COMMD1: variants seen among roughly 807,000 people sequenced by gnomAD.
COMMD1 encodes the protein copper metabolism domain containing 1.
COMMD1 carries 10 observed loss-of-function variants against 17.2 expected under a neutral mutation model. The ratio of observed to expected loss-of-function variants is 0.58; its 90% CI spans 0.36 to 0.99. The LOEUF (loss-of-function observed/expected upper bound fraction) is 0.99. Among genes scored for constraint, COMMD1 ranks in the 50% least tolerant of loss-of-function variants. The pLI, the probability that COMMD1 is intolerant of heterozygous loss-of-function variation, is 0.01. For synonymous variants in COMMD1, 97 were observed against 91.6 expected (o/e 1.06, Z -0.34); for missense variants, 270 against 231.8 (o/e 1.17, Z -1.07).
At chr2:62,114,895 G>T (rs1249521108) in intron 2 of COMMD1, among the ~76,000 whole-genome samples, 2 of 152,188 alleles carry the variant, frequency 1.3e-5, no homozygotes, top group Non-Finnish European at 1.5e-5. Flanking sequence ...TGGCAGCGAG[G>T]TTCCTTGGTC....
chr2:61,958,196 C>G (rs1360197917), intron 1 of COMMD1, among the ~76,000 whole-genome samples: 1 of 151,988 alleles, frequency 6.6e-6, no homozygotes, highest in Non-Finnish European at 1.5e-5. Context: ...TACCCTCTGA[C>G]AGGCCCCAGC....
chr2:62,028,348 A>T (rs1232819172), intron 2 of COMMD1, among the ~76,000 whole-genome samples: 2 of 152,212 alleles, frequency 1.3e-5, no homozygotes, highest in Non-Finnish European at 2.9e-5. Context: ...GGTAGGGGTA[A>T]GTCTTGATAC....
At chr2:62,101,558 C>T (rs539166235) in intron 2 of COMMD1, among the ~76,000 whole-genome samples, 70 of 152,138 alleles carry the variant, frequency 4.6e-4, no homozygotes, top group Non-Finnish European at 8.7e-4. Context: ...TGCAGTGATC[C>T]CTGATTGCAC....
intron 1 of COMMD1, among the ~76,000 whole-genome samples, chr2:61,935,787 T>C (rs1185783287): frequency 6.6e-6 from 1 of 152,178 alleles, no homozygotes; most frequent in African/African-American, 2.4e-5. Context: ...GCAGCAAGAA[T>C]GATAATTGGA....
At chr2:62,069,895 A>T (rs1299900403) in intron 2 of COMMD1, 1 of 152,260 alleles carries the variant, frequency 6.6e-6, no homozygotes, top group African/African-American at 2.4e-5. Flanking sequence ...TCAACAATTT[A>T]GATCTATCAA....
At chr2:62,024,533 G>A (rs1287389088) in intron 2 of COMMD1, among the ~76,000 whole-genome samples, 1 of 152,152 alleles carries the variant, frequency 6.6e-6, no homozygotes, top group Non-Finnish European at 1.5e-5. Context: ...AATCTTTCAG[G>A]AGGAACTTTG....
intron 2 of COMMD1, chr2:62,070,182 T>A (rs965143128): frequency 6.6e-6 from 1 of 152,198 alleles, no homozygotes; most frequent in African/African-American, 2.4e-5. Flanking sequence ...GAAAGTACTA[T>A]ACATTTGACC....
intron 2 of COMMD1, among the ~76,000 whole-genome samples, chr2:62,129,507 C>G (rs1672968131): frequency 6.6e-6 from 1 of 152,144 alleles, no homozygotes; most frequent in South Asian, 2.1e-4. Flanking sequence ...GATTCCAGGT[C>G]TCTTGAAGTA....
upstream of COMMD1, among the ~76,000 whole-genome samples, chr2:61,904,041 C>T (rs1274864353): frequency 6.6e-6 from 1 of 152,074 alleles, no homozygotes; most frequent in Non-Finnish European, 1.5e-5. Flanking sequence ...CGGAGTCTCC[C>T]TCTTTCACCC....
At chr2:61,941,932 A>G (rs1477226934) in intron 1 of COMMD1, among the ~76,000 whole-genome samples, 2 of 152,042 alleles carry the variant, frequency 1.3e-5, no homozygotes, top group African/African-American at 2.4e-5. Flanking sequence ...AACATTGACT[A>G]TCTTCTTGGT....
intron 2 of COMMD1, among the ~76,000 whole-genome samples, chr2:62,121,274 G>A (rs1672735872): frequency 6.8e-6 from 1 of 147,656 alleles, no homozygotes; most frequent in African/African-American, 2.5e-5. Context: ...GGAGGCTGAG[G>A]CAGGAGAATC....
intron 1 of COMMD1, among the ~76,000 whole-genome samples, chr2:61,941,573 G>C (rs1200559142): frequency 1.3e-5 from 2 of 152,098 alleles, no homozygotes; most frequent in African/African-American, 4.8e-5. Context: ...TGCTCTACTT[G>C]GTATTTTATA....
At chr2:62,024,613 T>C (rs1669703621) in intron 2 of COMMD1, among the ~76,000 whole-genome samples, 1 of 152,214 alleles carries the variant, frequency 6.6e-6, no homozygotes, top group South Asian at 2.1e-4. Flanking sequence ...ACAAGACCTT[T>C]TCGACCTAGT....
chr2:61,896,819 C>CTTTTTTT (rs112184843), intron 1 of COMMD1, among the ~76,000 whole-genome samples: 7 of 137,192 alleles, frequency 5.1e-5, no homozygotes, highest in East Asian at 2.1e-4. Context: ...TTTTCCTTTT[C>CTTTTTTT]TTTTTTTTTT....
intron 1 of COMMD1, among the ~76,000 whole-genome samples, chr2:61,949,158 G>A (rs775081095): frequency 6.6e-6 from 1 of 152,214 alleles, no homozygotes; most frequent in Non-Finnish European, 1.5e-5. Flanking sequence ...ATTATGCTTA[G>A]TAAAGTTATG....
chr2:61,929,855 A>G (rs1041391348), intron 1 of COMMD1, among the ~76,000 whole-genome samples: 89 of 152,142 alleles, frequency 5.8e-4, no homozygotes, highest in Middle Eastern at 3.4e-3. Context: ...GCCTGGGAGG[A>G]CAAGGCTGTA....
intron 1 of COMMD1, among the ~76,000 whole-genome samples, chr2:61,960,943 C>T (rs934900200): frequency 6.6e-6 from 1 of 152,158 alleles, no homozygotes; most frequent in African/African-American, 2.4e-5. Flanking sequence ...TTCTTTTTGG[C>T]GTTACTGAGA....
intron 2 of COMMD1, among the ~76,000 whole-genome samples, chr2:62,095,855 A>G (rs1334521778): frequency 1.0e-5 from 1 of 99,120 alleles, no homozygotes; most frequent in African/African-American, 4.6e-5. Flanking sequence ...ACAGGTATAT[A>G]TAACCCTGTG....
intron 1 of COMMD1, among the ~76,000 whole-genome samples, chr2:61,999,648 C>T (rs191656527): frequency 1.5e-3 from 235 of 152,034 alleles, no homozygotes; most frequent in African/African-American, 4.6e-3. Flanking sequence ...AGGCTGGACT[C>T]GAACTCCTGG....
Sources: gnomAD v4.1 joint callset for allele counts (sites outside exome capture counted in the v4.1 genomes callset) on GRCh38, gnomAD v4.1.1 for gene constraint, MANE v1.5 for transcripts, NCBI Gene and HGNC (gene_info 2026-07-23, HGNC 2026-07-21) for gene names.